The following TRABD2B variants were observed in gnomAD, a reference collection of about 807,000 sequenced individuals.
The protein encoded by TRABD2B is metalloprotease TIKI2.
Under a neutral mutation model 40.1 loss-of-function variants are expected in TRABD2B, and 14 were observed. The observed-to-expected ratio is 0.35, with a 90% CI of 0.23 to 0.55. TRABD2B has a LOEUF of 0.55. Among genes scored for constraint, TRABD2B ranks in the 20% least tolerant of loss-of-function variants. The pLI, the probability that TRABD2B is intolerant of heterozygous loss-of-function variation, is 0.90. For synonymous variants in TRABD2B, 263 were observed against 277.0 expected (o/e 0.95, Z 0.50); for missense variants, 541 against 648.6 (o/e 0.83, Z 1.80).
At chr1:47,934,342 CT>C (rs1645077927) in intron 2 of TRABD2B, among the ~76,000 whole-genome samples, 1 of 152,212 alleles carries the variant, frequency 6.6e-6, no homozygotes, top group African/African-American at 2.4e-5. Context: ...CCCACACCCC[CT>C]CCCACAGTCC....
chr1:47,783,037 T>G (rs1482583921), intron 4 of TRABD2B, among the ~76,000 whole-genome samples: 4 of 145,072 alleles, frequency 2.8e-5, no homozygotes, highest in African/African-American at 7.7e-5. Context: ...GACCATGGGG[T>G]GGGGGGGTTG....
At chr1:47,850,860 T>C (rs1311292624) in intron 2 of TRABD2B, among the ~76,000 whole-genome samples, 5 of 152,174 alleles carry the variant, frequency 3.3e-5, no homozygotes, top group Non-Finnish European at 7.3e-5. Flanking sequence ...GGTTGGGAGA[T>C]GGTTTAGGGA....
intron 2 of TRABD2B, among the ~76,000 whole-genome samples, chr1:47,929,649 C>T (rs892740376): frequency 6.6e-6 from 1 of 152,236 alleles, no homozygotes; most frequent in African/African-American, 2.4e-5. Flanking sequence ...CTAGACTGCA[C>T]TCCCAGGGGT....
chr1:47,893,803 G>A (rs1158778257), intron 2 of TRABD2B, among the ~76,000 whole-genome samples: 1 of 152,152 alleles, frequency 6.6e-6, no homozygotes, highest in African/African-American at 2.4e-5. Context: ...AGGCATGTCT[G>A]CAAACTGCCT....
At chr1:47,857,258 C>A (rs1325110442) in intron 2 of TRABD2B, among the ~76,000 whole-genome samples, 1 of 152,202 alleles carries the variant, frequency 6.6e-6, no homozygotes, top group Non-Finnish European at 1.5e-5. Context: ...ATCAGGGAAA[C>A]CCTAGTATCC....
chr1:47,794,611 C>T lies in TRABD2B; in HGVS notation c.963G>A (p.Lys321=). 2 of 1,533,994 alleles carry T rather than the reference C, an allele frequency of 1.3e-6. No homozygotes were observed. The highest frequency in any genetic ancestry group is 2.5e-5 in the East Asian group (1 of 40,798). Residue 321 remains lysine, a synonymous_variant, in exon 4 of 7, where the codon AAG becomes AAA. Coordinates refer to ENST00000606738, the MANE Select transcript of TRABD2B (RefSeq NM_001194986.2). The part of the protein sequence containing the change: ...VMALLRENED[K]ICFFAFGAGH... ...CTGCTCCGAAGGCAAAGAAGCAGAT[C>T]TTGTCCTCGTTCTCCCGTAGAAGCG...
At chr1:47,777,984 G>GT (rs1644470860) in intron 5 of TRABD2B, among the ~76,000 whole-genome samples, 1 of 152,210 alleles carries the variant, frequency 6.6e-6, no homozygotes, top group Admixed American at 6.5e-5. Context: ...AAAGTTAGGG[G>GT]TGAGGGGCAT....
intron 2 of TRABD2B, among the ~76,000 whole-genome samples, chr1:47,896,199 G>A (rs1050099420): frequency 6.6e-6 from 1 of 152,238 alleles, no homozygotes; most frequent in Non-Finnish European, 1.5e-5. Flanking sequence ...CCTCACGTCA[G>A]GGCTGCCGCA....
At chr1:47,788,448 A>G (rs1644626261) in intron 4 of TRABD2B, among the ~76,000 whole-genome samples, 1 of 152,114 alleles carries the variant, frequency 6.6e-6, no homozygotes, top group African/African-American at 2.4e-5. Flanking sequence ...GTGCCTGAGT[A>G]ATGGAGCCAG....
At chr1:47,943,479 A>AT (rs1645215095) in intron 2 of TRABD2B, among the ~76,000 whole-genome samples, 1 of 152,210 alleles carries the variant, frequency 6.6e-6, no homozygotes, top group East Asian at 1.9e-4. Context: ...CCCTAATGCA[A>AT]GACCTTAGTT....
chr1:47,987,139 C>T (rs752524730), intron 2 of TRABD2B, among the ~76,000 whole-genome samples: 2 of 152,090 alleles, frequency 1.3e-5, no homozygotes, highest in South Asian at 2.1e-4. Flanking sequence ...TTTTTATCTC[C>T]GTCAGAAAGT....
intron 2 of TRABD2B, among the ~76,000 whole-genome samples, chr1:47,853,860 G>A (rs1013991159): frequency 6.6e-6 from 1 of 152,152 alleles, no homozygotes; most frequent in Non-Finnish European, 1.5e-5. Flanking sequence ...TCTCCAAGTC[G>A]TAGCTAGAGT....
chr1:47,898,677 T>C (rs1342853730), intron 2 of TRABD2B, among the ~76,000 whole-genome samples: 2 of 152,228 alleles, frequency 1.3e-5, no homozygotes, highest in Non-Finnish European at 2.9e-5. Context: ...ATATATAGCC[T>C]TGATCTCTCC....
At chr1:47,768,711 C>G (rs1488827140) in intron 6 of TRABD2B, among the ~76,000 whole-genome samples, 2 of 152,190 alleles carry the variant, frequency 1.3e-5, no homozygotes, top group Non-Finnish European at 2.9e-5. Context: ...GCCTGGCACA[C>G]AAGAAGTGCT....
At chr1:47,859,489 G>A (rs1409255905) in intron 2 of TRABD2B, among the ~76,000 whole-genome samples, 3 of 152,186 alleles carry the variant, frequency 2.0e-5, no homozygotes, top group African/African-American at 7.2e-5. Flanking sequence ...TGTAGCCCCT[G>A]GGCATTACCT....
At chr1:47,795,066 T>G (rs1644730375) in intron 3 of TRABD2B, among the ~76,000 whole-genome samples, 2 of 152,172 alleles carry the variant, frequency 1.3e-5, no homozygotes, top group Admixed American at 1.3e-4. Flanking sequence ...CCACTGCGCA[T>G]GACCTGCTGT....
chr1:47,812,115 T>C (rs1644973184), intron 2 of TRABD2B, among the ~76,000 whole-genome samples: 1 of 152,238 alleles, frequency 6.6e-6, no homozygotes, highest in Non-Finnish European at 1.5e-5. Context: ...GCTTCTGCTG[T>C]GAATCTTCTA....
At chr1:47,975,324 T>C (rs903409312) in intron 2 of TRABD2B, among the ~76,000 whole-genome samples, 3 of 152,214 alleles carry the variant, frequency 2.0e-5, no homozygotes, top group Admixed American at 1.3e-4. Flanking sequence ...AAACATTTGT[T>C]AGGTGAATGA....
intron 2 of TRABD2B, among the ~76,000 whole-genome samples, chr1:47,957,614 G>A (rs1417763224): frequency 1.3e-5 from 2 of 152,188 alleles, no homozygotes; most frequent in East Asian, 1.9e-4. Context: ...AAGGGTATCA[G>A]TGATTGAAGA....
Sources: gnomAD v4.1 joint callset for allele counts (sites outside exome capture counted in the v4.1 genomes callset) on GRCh38, gnomAD v4.1.1 for gene constraint, MANE v1.5 for transcripts, NCBI Gene and HGNC (gene_info 2026-07-23, HGNC 2026-07-21) for gene names.